Variants in SYNPR observed in about 807,000 individuals in gnomAD.
SYNPR encodes the protein synaptoporin.
SYNPR carries 23 observed loss-of-function variants against 32.9 expected under a neutral mutation model. That is an observed-to-expected ratio of 0.70 (90% CI 0.50 to 0.99). SYNPR has a LOEUF of 0.99. SYNPR is among the 50% of genes least tolerant of loss of function. The pLI is 0.00. For synonymous variants in SYNPR, 146 were observed against 135.9 expected, an observed-to-expected ratio of 1.07 and a Z score of -0.52; for missense variants, 318 against 349.3, an observed-to-expected ratio of 0.91 and a Z score of 0.71.
chr3:63,202,549 G>A, the SYNPR span, among the ~76,000 whole-genome samples: 2 of 152,070 alleles, frequency 1.3e-5, no homozygotes, highest in Admixed American at 6.6e-5. Context: ...ACTAAATATT[G>A]GGTAGAATTT....
chr3:63,342,104 T>C (rs1414600512), intron 2 of SYNPR, among the ~76,000 whole-genome samples: 1 of 152,218 alleles, frequency 6.6e-6, no homozygotes, highest in Non-Finnish European at 1.5e-5. Context: ...TTTAGCACCA[T>C]TTGTTGAAAA....
upstream of SYNPR, among the ~76,000 whole-genome samples, chr3:63,274,249 T>C (rs1199237849): frequency 6.6e-6 from 1 of 152,230 alleles, no homozygotes; most frequent in Admixed American, 6.5e-5. Context: ...CCCAGGTATA[T>C]TTTCCTATGA....
chr3:63,404,405 T>C (rs2088332048), intron 2 of SYNPR, among the ~76,000 whole-genome samples: 1 of 152,158 alleles, frequency 6.6e-6, no homozygotes, highest in Admixed American at 6.6e-5. Context: ...TTATGTAGTA[T>C]ATATGAAGGA....
chr3:63,548,284 T>G (rs774426143), intron 3 of SYNPR, among the ~76,000 whole-genome samples: 1 of 151,976 alleles, frequency 6.6e-6, no homozygotes, highest in Non-Finnish European at 1.5e-5. Context: ...GCCTGAGTGC[T>G]AAGTTTTCCA....
chr3:63,519,606 A>T (rs1229769364), intron 3 of SYNPR, among the ~76,000 whole-genome samples: 1 of 152,196 alleles, frequency 6.6e-6, no homozygotes, highest in Non-Finnish European at 1.5e-5. Flanking sequence ...AGGTTGGCAG[A>T]GTTCCCATTG....
intron 2 of SYNPR, among the ~76,000 whole-genome samples, chr3:63,369,691 G>A (rs947579398): frequency 2.6e-5 from 4 of 152,210 alleles, no homozygotes; most frequent in African/African-American, 9.7e-5. Flanking sequence ...ACCCACTGGT[G>A]TGAAGGCGAA....
Position 63,360,403 on chromosome 3 carries a change from C to T in SYNPR, c.84+81661C>T, listed in dbSNP as rs2107033340. Among the ~76,000 whole-genome samples the T allele has an allele frequency of 1.3e-5, 2 of 152,280 alleles. 1 individual carries two copies. The highest frequency in any genetic ancestry group is 4.1e-4 in the South Asian group (2 of 4,820). ...TATTTTCTCTTCTCCCTGTTTCAACCATTGTTCCTGTCTCAAAGCTGTGCT... is the reference window on the plus strand; with the variant it reads ...TATTTTCTCTTCTCCCTGTTTCAACTATTGTTCCTGTCTCAAAGCTGTGCT... On this transcript the variant is annotated intron_variant, in intron 2 of 5. Coordinates refer to ENST00000478300, the MANE Select transcript of SYNPR (RefSeq NM_001130003.2).
At chr3:63,270,161 G>A (rs940387774) in intron 3 of SYNPR, among the ~76,000 whole-genome samples, 10 of 152,088 alleles carry the variant, frequency 6.6e-5, no homozygotes, top group East Asian at 3.9e-4. Context: ...AAGTACTCTC[G>A]GAACCAAAAA....
chr3:63,512,305 A>C (rs17068880), intron 3 of SYNPR, among the ~76,000 whole-genome samples: 3,185 of 152,114 alleles, frequency 0.021, 99 homozygotes, highest in African/African-American at 0.072. Context: ...GGATTATGCT[A>C]TTTGCAGCCC....
chr3:63,445,432 T>C, intron 2 of SYNPR: 1 of 616,692 alleles, frequency 1.6e-6, no homozygotes, highest in Non-Finnish European at 2.9e-6. Flanking sequence ...CATAATATCA[T>C]AACCAGAAAA....
At chr3:63,567,496 C>A (rs1045533338) in intron 4 of SYNPR, among the ~76,000 whole-genome samples, 1 of 152,130 alleles carries the variant, frequency 6.6e-6, no homozygotes, top group Admixed American at 6.6e-5. Flanking sequence ...GAATTTATTT[C>A]CTTGAATCCA....
chr3:63,208,128 C>T, the SYNPR span, among the ~76,000 whole-genome samples: 1 of 152,158 alleles, frequency 6.6e-6, no homozygotes, highest in African/African-American at 2.4e-5. Context: ...GAATATACTT[C>T]TGAAAGTCAG....
intron 3 of SYNPR, among the ~76,000 whole-genome samples, chr3:63,515,891 AC>A (rs765827292): frequency 1.4e-4 from 21 of 152,022 alleles, no homozygotes; most frequent in Non-Finnish European, 2.6e-4. Flanking sequence ...TATTTTTTTT[AC>A]ATTATCACAA....
chr3:63,273,534 T>G (rs2086553299), upstream of SYNPR, among the ~76,000 whole-genome samples: 1 of 152,180 alleles, frequency 6.6e-6, no homozygotes, highest in Non-Finnish European at 1.5e-5. Flanking sequence ...GGTCAATGGA[T>G]CCAATCCTTT....
intron 2 of SYNPR, among the ~76,000 whole-genome samples, chr3:63,254,571 A>T (rs2086365861): frequency 6.6e-6 from 1 of 152,200 alleles, no homozygotes; most frequent in Non-Finnish European, 1.5e-5. Context: ...TGTTAGACCA[A>T]GGTTTTAGAC....
At chr3:63,416,851 C>A (rs2088548836) in intron 2 of SYNPR, among the ~76,000 whole-genome samples, 1 of 152,102 alleles carries the variant, frequency 6.6e-6, no homozygotes, top group Non-Finnish European at 1.5e-5. Context: ...AACCTGCCCC[C>A]ATGATTCAAT....
the SYNPR span, among the ~76,000 whole-genome samples, chr3:63,209,574 C>T: frequency 2.6e-5 from 4 of 152,120 alleles, no homozygotes; most frequent in African/African-American, 9.7e-5. Context: ...TAGGGTTTAG[C>T]CGTATTGCCT....
chr3:63,450,750 G>A (rs754095169), intron 2 of SYNPR, among the ~76,000 whole-genome samples: 39 of 152,126 alleles, frequency 2.6e-4, no homozygotes, highest in Non-Finnish European at 4.3e-4. Context: ...GTTTGCAGTG[G>A]GCTTGTCACA....
chr3:63,451,636 A>C (rs992259902), intron 2 of SYNPR, among the ~76,000 whole-genome samples: 3 of 152,030 alleles, frequency 2.0e-5, no homozygotes, highest in Non-Finnish European at 4.4e-5. Flanking sequence ...CTTGCCCATC[A>C]GTTTCTAACA....
Sources: gnomAD v4.1 joint callset for allele counts (sites outside exome capture counted in the v4.1 genomes callset) on GRCh38, gnomAD v4.1.1 for gene constraint, MANE v1.5 for transcripts, NCBI Gene and HGNC (gene_info 2026-07-23, HGNC 2026-07-21) for gene names.